Variants in MTAP observed in about 807,000 individuals in gnomAD.
The protein encoded by MTAP is methylthioadenosine phosphorylase.
MTAP carries 33 observed loss-of-function variants against 33.6 expected under a neutral mutation model. That is an observed-to-expected ratio of 0.98 (90% CI 0.74 to 1.31). MTAP has a LOEUF of 1.31. Ranked by LOEUF, MTAP falls within the 40% of genes most tolerant of loss-of-function variation. The pLI is 0.00. For missense variants in MTAP, 367 were observed against 360.0 expected, an observed-to-expected ratio of 1.02 and a Z score of -0.16; for synonymous variants, 148 against 125.7, an observed-to-expected ratio of 1.18 and a Z score of -1.19.
At chr9:21,924,267 G>A (rs1160335739) in intron 1 of MTAP, among the ~76,000 whole-genome samples, 1 of 152,050 alleles carries the variant, frequency 6.6e-6, no homozygotes, top group Non-Finnish European at 1.5e-5. Context: ...TTCACAGATG[G>A]GTAATCACAT....
At chr9:21,874,639 A>G (rs959079127) in intron 1 of MTAP, among the ~76,000 whole-genome samples, 2 of 150,024 alleles carry the variant, frequency 1.3e-5, no homozygotes, top group African/African-American at 4.9e-5. Context: ...GCAGAAAAGA[A>G]CTCTGGACTC....
At chr9:21,919,139 G>C (rs1030390497) in intron 1 of MTAP, among the ~76,000 whole-genome samples, 2 of 152,140 alleles carry the variant, frequency 1.3e-5, no homozygotes, top group Non-Finnish European at 2.9e-5. Context: ...GTAAAATCTT[G>C]GTTAGTGGGT....
At chr9:21,882,853 T>C (rs567695217) in intron 1 of MTAP, among the ~76,000 whole-genome samples, 1 of 152,150 alleles carries the variant, frequency 6.6e-6, no homozygotes, top group East Asian at 1.9e-4. Flanking sequence ...AAGTACACTT[T>C]TAAATAATTC....
chr9:21,892,097 C>CTTATGGTATTTGTATGGAATTTG (rs1818210486), intron 1 of MTAP: 1 of 152,296 alleles, frequency 6.6e-6, no homozygotes, highest in Non-Finnish European at 1.5e-5. Context: ...TACCATCAGA[C>CTTATGGTATTTGTATGGAATTTG]TTACCATACA....
At chr9:21,812,717 T>A (rs1257083104) in intron 1 of MTAP, among the ~76,000 whole-genome samples, 1 of 152,228 alleles carries the variant, frequency 6.6e-6, no homozygotes, top group African/African-American at 2.4e-5. Context: ...ACCTTCGTCA[T>A]GAACTTGACC....
intron 5 of MTAP, among the ~76,000 whole-genome samples, chr9:21,850,756 A>G (rs910784331): frequency 1.3e-5 from 2 of 152,204 alleles, no homozygotes; most frequent in Non-Finnish European, 2.9e-5. Flanking sequence ...TGAACTGCCT[A>G]TCATGAACTG....
intron 1 of MTAP, among the ~76,000 whole-genome samples, chr9:21,898,371 A>G (rs1587283306): frequency 6.6e-6 from 1 of 152,242 alleles, no homozygotes; most frequent in Admixed American, 6.5e-5. Context: ...CAAAAGCCAA[A>G]ATTGACAAAT....
At chr9:21,873,312 T>C (rs1812242704) in intron 1 of MTAP, among the ~76,000 whole-genome samples, 1 of 152,180 alleles carries the variant, frequency 6.6e-6, no homozygotes, top group African/African-American at 2.4e-5. Context: ...GCCTGGCACA[T>C]GATTTGCACT....
rs971807134 is a variant in MTAP, at chr9:21,866,904, G to A, written c.*4890G>A. On this transcript the variant is annotated 3_prime_UTR_variant, in exon 8 of 8. Coordinates refer to ENST00000644715, the MANE Select transcript of MTAP (RefSeq NM_002451.4). ...ATCTCAGCAATATTTTGTAGTTTTAGTGAAGAAGTCTTGTATATATCTTTT... is the reference window on the plus strand; with the variant it reads ...ATCTCAGCAATATTTTGTAGTTTTAATGAAGAAGTCTTGTATATATCTTTT... The A allele has an allele frequency of 3.9e-5, 6 of 152,108 alleles. No homozygotes were observed. The highest frequency in any genetic ancestry group is 7.4e-5 in the Non-Finnish European group (5 of 68,008). The allele number at this position is 152,108 out of a possible 1,614,324, so 9.4% of individuals were successfully genotyped here. A position where few individuals can be genotyped will look rare whatever the true frequency, so the allele number is the denominator to read the frequency against.
intron 1 of MTAP, among the ~76,000 whole-genome samples, chr9:21,924,704 C>G (rs1354500570): frequency 6.6e-6 from 1 of 152,130 alleles, no homozygotes; most frequent in Non-Finnish European, 1.5e-5. Flanking sequence ...CCATTATATC[C>G]AAGTCTCCTG....
chr9:21,853,410 T>C (rs191988633), intron 5 of MTAP, among the ~76,000 whole-genome samples: 1 of 152,342 alleles, frequency 6.6e-6, no homozygotes, highest in East Asian at 1.9e-4. Flanking sequence ...ATAAACATGA[T>C]GTAGCATCAA....
intron 1 of MTAP, among the ~76,000 whole-genome samples, chr9:21,886,992 G>A (rs1251322782): frequency 6.6e-6 from 1 of 152,130 alleles, no homozygotes; most frequent in Non-Finnish European, 1.5e-5. Context: ...GTGGTATATT[G>A]ATAGGAATTG....
chr9:21,878,223 GTGTTTATTTGGATATTCTC>G (rs1259448896), intron 1 of MTAP, among the ~76,000 whole-genome samples: 1 of 151,916 alleles, frequency 6.6e-6, no homozygotes, highest in Non-Finnish European at 1.5e-5. Flanking sequence ...ATTTCTGATT[GTGTTTATTTGGATATTCTC>G]TGTTTTTCTT....
At chr9:21,837,701 G>A (rs76454779) in intron 4 of MTAP, among the ~76,000 whole-genome samples, 7 of 152,176 alleles carry the variant, frequency 4.6e-5, no homozygotes, top group African/African-American at 4.8e-5. Flanking sequence ...CTTGTTGTGC[G>A]GTGTGTTGCT....
At chr9:21,867,330 T>G (rs1294300362), downstream of MTAP, among the ~76,000 whole-genome samples, 1 of 152,196 alleles carries the variant, frequency 6.6e-6, no homozygotes, top group African/African-American at 2.4e-5. Context: ...CCGTTTCATG[T>G]TTTTATCAGA....
chr9:21,858,067 G>A (rs1825676821), intron 6 of MTAP, among the ~76,000 whole-genome samples: 1 of 152,146 alleles, frequency 6.6e-6, no homozygotes, highest in Non-Finnish European at 1.5e-5. Context: ...TTCGGTTTGT[G>A]ATGTTAGCAG....
chr9:21,855,002 T>C, intron 6 of MTAP, 132 bp downstream of exon 6: 1 of 1,232,710 alleles, frequency 8.1e-7, no homozygotes, highest in Non-Finnish European at 1.1e-6. Context: ...GTTAATATTT[T>C]CTGTAGTTCC....
intron 1 of MTAP, among the ~76,000 whole-genome samples, chr9:21,882,439 G>T (rs540353298): frequency 2.6e-5 from 4 of 151,892 alleles, no homozygotes; most frequent in Non-Finnish European, 5.9e-5. Context: ...TTATTGATCC[G>T]AAGAGTTAAT....
At chr9:21,806,715 G>A (rs1824217928) in intron 1 of MTAP, among the ~76,000 whole-genome samples, 1 of 152,124 alleles carries the variant, frequency 6.6e-6, no homozygotes, top group Admixed American at 6.5e-5. Flanking sequence ...GGACCTCAGG[G>A]AGACATTGTC....
Sources: gnomAD v4.1 joint callset for allele counts (sites outside exome capture counted in the v4.1 genomes callset) on GRCh38, gnomAD v4.1.1 for gene constraint, MANE v1.5 for transcripts, NCBI Gene and HGNC (gene_info 2026-07-23, HGNC 2026-07-21) for gene names.